SON: variants seen among roughly 807,000 people sequenced by gnomAD.
SON encodes the protein protein SON.
A neutral mutation model predicts 173.3 loss-of-function variants in SON; 4 were observed. The ratio of observed to expected loss-of-function variants is 0.02; its 90% CI spans 0.01 to 0.05. The LOEUF (loss-of-function observed/expected upper bound fraction) is 0.05. SON is among the 10% of genes least tolerant of loss of function. The probability of loss-of-function intolerance (pLI) is 1.00; values close to 1 mark genes in which losing one functional copy is unlikely to be tolerated. For synonymous variants in SON, 1,190 were observed against 1,105.9 expected, an observed-to-expected ratio of 1.08 and a Z score of -1.51; for missense variants, 2,626 against 3,055.3, an observed-to-expected ratio of 0.86 and a Z score of 3.31.
chr21:33,549,617 A>G lies in SON; in HGVS notation c.386A>G (p.Tyr129Cys), dbSNP rs371509446. The change falls in exon 3 of 12, where the codon TAT (tyrosine) becomes TGT (cysteine). Residue 129 changes from tyrosine to cysteine, a missense_variant. Physicochemically the swap from Tyr to Cys is radical, Grantham distance 194. Transcript: ENST00000356577. ...KKKKKEKEKK[Y>C]KRQPEESESK... ...AAGAAGAAAGAAAAGGAAAAAAAAT[A>G]TAAAAGACAGCCAGAAGAATCTGAG... The G allele has an allele frequency of 1.2e-6, 2 of 1,601,740 alleles. No individual in the cohort carries two copies. The highest frequency in any genetic ancestry group is 1.7e-6 in the Non-Finnish European group (2 of 1,176,802).
At chr21:33,560,939 A>G (rs984281595) in intron 6 of SON, 2 of 152,200 alleles carry the variant, frequency 1.3e-5, no homozygotes, top group African/African-American at 2.4e-5. Flanking sequence ...AACACCTCCA[A>G]TTCTACAAAT....
rs1569056062 is a variant in SON at position 33,552,994 on chromosome 21, C to G, written c.3763C>G (p.Pro1255Ala). 1.2e-6 allele frequency: 2 copies of G among 1,613,994 alleles called. No individual in the cohort carries two copies. Among genetic ancestry groups the G allele is most frequent in the Non-Finnish European group, 1.7e-6 (2 of 1,180,016 alleles). ...GACTGTTCCAGAACCACCACCAGAG[C>G]CAGAATCTTCAATTACGTTAACACC... is the stretch of plus-strand genomic sequence containing the variant. ...AVTVPEPPPEPESSITLTPVE... is the reference protein window; with the variant it reads ...AVTVPEPPPEAESSITLTPVE... The change falls in exon 3 of 12, where the codon CCA becomes GCA. Residue 1255 changes from proline (P) to alanine (A), a missense_variant. Pro to Ala is a conservative substitution (Grantham distance 27, BLOSUM62 -1). Coordinates refer to ENST00000356577, the MANE Select transcript of SON (RefSeq NM_138927.4). The surrounding 1 kb of genome is among the most constrained non-coding windows in gnomAD (Gnocchi z 5.6).
At chr21:33,568,451 G>A (rs1488677844) in intron 7 of SON, among the ~76,000 whole-genome samples, 3 of 152,272 alleles carry the variant, frequency 2.0e-5, no homozygotes, top group African/African-American at 4.8e-5. Context: ...AGCAGACATC[G>A]CACCATTGCA....
rs376504954 is a variant in SON at position 33,549,661 on chromosome 21, G to C, written c.430G>C (p.Asp144His). The C allele has an allele frequency of 1.9e-6, 3 of 1,611,206 alleles. No homozygotes were observed. Among genetic ancestry groups the C allele is most frequent in the African/African-American group, 1.3e-5 (1 of 74,738 alleles). ...EESESKTKSHDDGNIDLESDS... is the reference protein window; with the variant it reads ...EESESKTKSHHDGNIDLESDS... ...ATCTGAGTCAAAGACGAAATCTCAT[G>C]ATGATGGGAACATAGATTTAGAATC... is the stretch of plus-strand genomic sequence containing the variant. The change falls in exon 3 of 12, where the codon GAT (aspartate) becomes CAT (histidine). Residue 144 changes from aspartate to histidine, a missense_variant. Asp to His is a moderately conservative substitution (Grantham distance 81). Coordinates refer to ENST00000356577, the MANE Select transcript of SON (RefSeq NM_138927.4).
chr21:33,554,806 T>G lies in SON; in HGVS notation c.5575T>G (p.Ser1859Ala), dbSNP rs1395812686. 1.2e-6 allele frequency: 2 copies of G among 1,613,832 alleles called. No homozygotes were observed. Among genetic ancestry groups the G allele is most frequent in the Non-Finnish European group, 8.5e-7 (1 of 1,180,010 alleles). ...KRSSKSKSHR[S>A]QTRSRSRSRR... ...ATCATCTAAGTCCAAGTCTCATCGC[T>G]CTCAGACACGTTCACGGTCACGTTC... The change falls in exon 3 of 12, where the codon TCT becomes GCT. Residue 1859 changes from serine to alanine, a missense_variant. Ser to Ala is a moderately conservative substitution (Grantham distance 99). Transcript: ENST00000356577.
intron 6 of SON, among the ~76,000 whole-genome samples, chr21:33,564,544 TTGAGTA>T (rs1418996017): frequency 6.6e-6 from 1 of 152,282 alleles, no homozygotes; most frequent in East Asian, 1.9e-4. Context: ...TCATTCTACT[TTGAGTA>T]TATGTTTTCG....
At chr21:33,564,440 C>T (rs1266022937) in intron 6 of SON, among the ~76,000 whole-genome samples, 3 of 152,066 alleles carry the variant, frequency 2.0e-5, no homozygotes, top group East Asian at 3.9e-4. Flanking sequence ...GCTTTTTATG[C>T]CTCATTGTAT....
Position 33,552,098 on chromosome 21 carries a change from A to G in SON, c.2867A>G (p.Tyr956Cys). The change falls in exon 3 of 12, where the codon TAC becomes TGC. Residue 956 changes from tyrosine (Y) to cysteine (C), a missense_variant. Physicochemically the swap from Tyr to Cys is radical, Grantham distance 194. Around this residue, in one of 13 missense-constraint regions of SON, gnomAD observed 366 missense variants for 448.6 expected, o/e 0.82. Coordinates refer to ENST00000356577, the MANE Select transcript of SON (RefSeq NM_138927.4). This position sits in a 1 kb window ranked among gnomAD's most constrained non-coding sequence, Gnocchi z 5.6. Reference sequence around the variant, plus strand: ...CCTTATAGATTAGGCCATGATCCCTACAGACTAACTCCTGATCCCTATAGG... The same window carrying G: ...CCTTATAGATTAGGCCATGATCCCTGCAGACTAACTCCTGATCCCTATAGG... ...QDPYRLGHDP[Y>C]RLTPDPYRMS... is the part of the protein sequence containing the mutation. 1 of 1,614,040 alleles carries G rather than the reference A, an allele frequency of 6.2e-7. No homozygotes were observed. The highest frequency in any genetic ancestry group is 1.6e-4 in the Middle Eastern group (1 of 6,062).
intron 2 of SON, among the ~76,000 whole-genome samples, chr21:33,547,912 A>G (rs933324554): frequency 9.4e-5 from 14 of 148,940 alleles, no homozygotes; most frequent in Admixed American, 2.7e-4. Context: ...TTTAGTAGAG[A>G]CGGGGTTTTA....
intron 3 of SON, 58 bp from the exon 4 acceptor site, chr21:33,557,098 G>A: frequency 6.6e-7 from 1 of 1,505,282 alleles, no homozygotes; most frequent in Non-Finnish European, 9.0e-7. Context: ...TAGACTTTTG[G>A]TAATACAAAA....
Position 33,552,439 on chromosome 21 carries a change from T to G in SON, c.3208T>G (p.Tyr1070Asp). 6.2e-7 allele frequency: 1 copy of G among 1,613,928 alleles called. No homozygotes were observed. Among genetic ancestry groups the G allele is most frequent in the Non-Finnish European group, 8.5e-7 (1 of 1,179,912 alleles). Residue 1070 changes from tyrosine to aspartate, a missense_variant, in exon 3 of 12, where the codon TAT becomes GAT. Physicochemically the swap from Tyr to Asp is radical, Grantham distance 160. This residue lies in a region of SON where 366 missense variants were observed against 448.6 expected (regional missense o/e 0.82). Transcript: ENST00000356577. This position sits in a 1 kb window ranked among gnomAD's most constrained non-coding sequence, Gnocchi z 5.6. ...SAYERSMMSA[Y>D]ERSMMSPMAD... ...TTATGAACGCTCCATGATGTCAGCT[T>G]ATGAACGCTCCATGATGTCCCCAAT...
At position 33,554,037 on chromosome 21, in the gene SON, A is replaced by C; in HGVS notation, c.4806A>C (p.Glu1602Asp). 6.2e-7 allele frequency: 1 copy of C among 1,614,014 alleles called. No homozygotes were observed. Among genetic ancestry groups the C allele is most frequent in the Non-Finnish European group, 8.5e-7 (1 of 1,179,998 alleles). ...CTTCTACTGGTCCTTTTGCTCTGGA[A>C]CCTGATGCAACAGGAACTAGTAAGG... ...TLSSTGPFAL[E>D]PDATGTSKGI... is the part of the protein sequence containing the mutation. Residue 1602 changes from glutamate (E) to aspartate (D), a missense_variant, in exon 3 of 12, where the codon GAA (glutamate) becomes GAC (aspartate). Physicochemically the swap from Glu to Asp is conservative, Grantham distance 45 (BLOSUM62 2). Around this residue, in one of 13 missense-constraint regions of SON, gnomAD observed 1,006 missense variants for 895.6 expected, o/e 1.12. Transcript: ENST00000356577.
Position 33,555,172 on chromosome 21 carries a change from C to A in SON, c.5941C>A (p.Pro1981Thr). 1.3e-6 allele frequency: 2 copies of A among 1,545,314 alleles called. No homozygotes were observed. Among genetic ancestry groups the A allele is most frequent in the Non-Finnish European group, 1.7e-6 (2 of 1,153,070 alleles). The change falls in exon 3 of 12, where the codon CCC (proline) becomes ACC (threonine). Residue 1981 changes from proline to threonine, a missense_variant. Pro to Thr is a conservative substitution (Grantham distance 38). Transcript: ENST00000356577. The stretch of plus-strand genomic sequence containing the variant: ...CACCCCCAGCCGCCGCAGCCGCACC[C>A]CCAGCCGCCGGAGCCGCACCCCTAG... ...SRTPSRRSRT[P>T]SRRSRTPSRR...
chr21:33,556,288 T>C (rs2085964620), intron 3 of SON, among the ~76,000 whole-genome samples: 1 of 152,232 alleles, frequency 6.6e-6, no homozygotes, highest in Non-Finnish European at 1.5e-5. Flanking sequence ...TATGTCTCTC[T>C]TATAGTAACA....
rs2086034422 is a variant in SON, at chr21:33,559,688, T to C, written c.6570T>C (p.Ser2190=). ...GSQHRKKEAD[S]VYGEWVPVEK... ...AACATCGGAAAAAAGAAGCGGATAG[T>C]GTTTATGGAGAATGGGTTCCTGTGG... The change falls in exon 6 of 12, where the codon AGT becomes AGC. Residue 2190 remains serine, a synonymous_variant. Transcript: ENST00000356577. The surrounding 1 kb of genome is among the most constrained non-coding windows in gnomAD (Gnocchi z 4.1). 1.9e-6 allele frequency: 3 copies of C among 1,613,992 alleles called. No homozygotes were observed. Among genetic ancestry groups the C allele is most frequent in the African/African-American group, 2.7e-5 (2 of 74,918 alleles).
rs749477674 is a variant in SON, at chr21:33,554,534, C to T, written c.5303C>T (p.Ala1768Val). Residue 1768 changes from alanine to valine, a missense_variant, in exon 3 of 12, where the codon GCC (alanine) becomes GTC (valine). Coordinates refer to ENST00000356577, the MANE Select transcript of SON (RefSeq NM_138927.4). ...ASDVGRDRSA[A>V]SPVVSSMPER... ...GATGTTGGACGTGACAGATCTGCTG[C>T]CAGCCCGGTTGTAAGTAGTATGCCA... is the stretch of plus-strand genomic sequence containing the variant. 6.2e-6 allele frequency: 10 copies of T among 1,613,958 alleles called. No homozygotes were observed. In the African/African-American group the frequency reaches 1.2e-4, roughly 19 times the overall value.
intron 8 of SON, 131 bp from the exon 9 acceptor site, chr21:33,573,177 G>A: frequency 1.5e-6 from 1 of 689,038 alleles, no homozygotes; most frequent in Non-Finnish European, 2.5e-6. Context: ...AAGTATAGAG[G>A]AATTTACATT....
Position 33,546,366 on chromosome 21 carries a change from A to G in SON, c.231A>G (p.Leu77=). ...EVLSGVLDTE[L]RYKPDLKEGS... ...TTTCTGGGGTCTTAGATACAGAACT[A>G]CGATATAAGCCAGGTAAGTTGGAGA... The change falls in exon 2 of 12, where the codon CTA becomes CTG. Residue 77 remains leucine (L), a synonymous_variant. Coordinates refer to ENST00000356577, the MANE Select transcript of SON (RefSeq NM_138927.4). 1 of 1,607,624 alleles carries G rather than the reference A, an allele frequency of 6.2e-7. No individual in the cohort carries two copies. Among genetic ancestry groups the G allele is most frequent in the Non-Finnish European group, 8.5e-7 (1 of 1,178,236 alleles).
intron 6 of SON, among the ~76,000 whole-genome samples, chr21:33,563,878 A>G (rs185094364): frequency 9.2e-4 from 140 of 152,264 alleles, no homozygotes; most frequent in African/African-American, 3.2e-3. Context: ...TGAGGGAGAG[A>G]GAGTGAAGAA....
Sources: allele counts gnomAD v4.1 joint callset (sites outside exome capture counted in the v4.1 genomes callset), GRCh38; gene constraint gnomAD v4.1.1; regional missense constraint gnomAD v4.1.1; non-coding constraint Gnocchi (gnomAD v3.1); transcripts MANE v1.5; gene names NCBI Gene and HGNC (gene_info 2026-07-23, HGNC 2026-07-21).